Variants in OCLN observed in about 807,000 individuals in gnomAD.
OCLN encodes phosphatase 1, regulatory subunit 115.
Under a neutral mutation model 47.9 loss-of-function variants are expected in OCLN, and 21 were observed. That is an observed-to-expected ratio of 0.44 (90% CI 0.31 to 0.63). The LOEUF (loss-of-function observed/expected upper bound fraction) is 0.63. Ranked by LOEUF, OCLN falls within the 30% of genes least tolerant of loss-of-function variation. The pLI, the probability that OCLN is intolerant of heterozygous loss-of-function variation, is 0.08. For synonymous variants in OCLN, 117 were observed against 198.4 expected, an observed-to-expected ratio of 0.59 and a Z score of 3.45; for missense variants, 360 against 571.0, an observed-to-expected ratio of 0.63 and a Z score of 3.77.
intron 4 of OCLN, among the ~76,000 whole-genome samples, chr5:69,533,085 A>G (rs535824372): frequency 1.4e-5 from 2 of 146,228 alleles, no homozygotes; most frequent in Admixed American, 1.3e-4. Context: ...ACATATATAT[A>G]TATACACACA....
chr5:69,536,334 C>T (rs1769584318), intron 5 of OCLN, among the ~76,000 whole-genome samples: 1 of 144,510 alleles, frequency 6.9e-6, no homozygotes, highest in Admixed American at 7.1e-5. Context: ...TCTTAGCTTT[C>T]TATAACTTTA....
intron 1 of OCLN, among the ~76,000 whole-genome samples, chr5:69,496,257 C>G (rs1453709504): frequency 6.6e-6 from 1 of 152,080 alleles, no homozygotes; most frequent in Non-Finnish European, 1.5e-5. Flanking sequence ...TGCCACCATG[C>G]CCAGCTAATT....
At chr5:69,527,182 C>G (rs2112038449) in intron 4 of OCLN, among the ~76,000 whole-genome samples, 1 of 151,940 alleles carries the variant, frequency 6.6e-6, no homozygotes, top group Non-Finnish European at 1.5e-5. Flanking sequence ...GAGGCTGAGG[C>G]AGGGGAATTG....
intron 4 of OCLN, among the ~76,000 whole-genome samples, chr5:69,521,985 C>T (rs1454340430): frequency 1.3e-5 from 2 of 152,018 alleles, no homozygotes; most frequent in Non-Finnish European, 2.9e-5. Flanking sequence ...TGTGGTCTTT[C>T]ATCTTTGTCT....
chr5:69,503,513 C>T (rs949282027), intron 1 of OCLN, among the ~76,000 whole-genome samples: 4 of 152,222 alleles, frequency 2.6e-5, no homozygotes, highest in Non-Finnish European at 4.4e-5. Context: ...AGGACCCCAG[C>T]GCTGGCTGTC....
chr5:69,557,590 C>G lies in OCLN; in HGVS notation c.*3919C>G, dbSNP rs1245308670. The G allele has an allele frequency of 2.4e-5, 2 of 83,084 alleles. No homozygotes were observed. The highest frequency in any genetic ancestry group is 5.6e-5 in the African/African-American group (2 of 35,774). 5.1% of individuals were successfully genotyped at this position (83,084 alleles called of 1,614,324 possible). ...AGGCAGAGAATGCAGGATTGGCATT[C>G]TAAATATTTGTACATGATAAACAAA... On this transcript the variant is annotated 3_prime_UTR_variant, in exon 9 of 9. Coordinates refer to ENST00000396442, the MANE Select transcript of OCLN (RefSeq NM_001205254.2).
At chr5:69,504,381 T>A (rs1768539426) in intron 2 of OCLN, 87 bp downstream of exon 2, 1 of 850,838 alleles carries the variant, frequency 1.2e-6, no homozygotes, top group African/African-American at 1.7e-5. Context: ...AGTGTTTGCT[T>A]TTAAAAATAA....
intron 4 of OCLN, among the ~76,000 whole-genome samples, chr5:69,520,147 T>C (rs1003520682): frequency 1.3e-5 from 2 of 151,220 alleles, no homozygotes; most frequent in Admixed American, 6.6e-5. Context: ...TTAGTAGAGA[T>C]GGGGTTTTGT....
chr5:69,511,295 C>G (rs1009622785), intron 3 of OCLN, among the ~76,000 whole-genome samples: 49 of 150,986 alleles, frequency 3.2e-4, no homozygotes, highest in Non-Finnish European at 3.8e-4. Flanking sequence ...GTGTTAGCCA[C>G]GATGGTCTCT....
At chr5:69,523,641 T>G (rs982767116) in intron 4 of OCLN, among the ~76,000 whole-genome samples, 4 of 151,916 alleles carry the variant, frequency 2.6e-5, no homozygotes, top group Non-Finnish European at 5.9e-5. Context: ...GTTCAAGCGA[T>G]TCTCCTGCCT....
intron 4 of OCLN, among the ~76,000 whole-genome samples, chr5:69,533,665 C>T (rs1769510379): frequency 6.6e-6 from 1 of 151,352 alleles, no homozygotes; most frequent in South Asian, 2.1e-4. Context: ...GGCATAATTT[C>T]TTTTTTTTTG....
In OCLN at chr5:69,493,245, C is replaced by G. The variant is rs887666742; in HGVS notation, c.-69+345C>G. On this transcript the variant is annotated intron_variant, in intron 1 of 8. Coordinates refer to ENST00000396442, the MANE Select transcript of OCLN (RefSeq NM_001205254.2). The surrounding 1 kb of genome is among the most constrained non-coding windows in gnomAD (Gnocchi z 5.3). ...TTCCTGAACAGCGACGATCCTGCAT[C>G]CGCTCTGGGGCTGCAGTTTGGGGGG... Among the ~76,000 whole-genome samples, 6 of 152,172 alleles carry G rather than the reference C, an allele frequency of 3.9e-5. No individual in the cohort carries two copies. Among genetic ancestry groups the G allele is most frequent in the African/African-American group, 1.2e-4 (5 of 41,446 alleles).
At position 69,533,777 on chromosome 5, in the gene OCLN, C is replaced by T. The variant is rs577526370; in HGVS notation, c.892-917C>T. On this transcript the variant is annotated intron_variant, in intron 4 of 8. Coordinates refer to ENST00000396442, the MANE Select transcript of OCLN (RefSeq NM_001205254.2). ...AAGTGATTCTCTTGCCTCAGCCTCC[C>T]GAGTAGCTGGGACTACAGGTGCATG... Among the ~76,000 whole-genome samples, 5 of 152,218 alleles carry T rather than the reference C, an allele frequency of 3.3e-5. No individual in the cohort carries two copies. The East Asian group carries it at 7.7e-4, about 24-fold the overall frequency.
rs148534044 is a variant in OCLN at position 69,495,984 on chromosome 5, TA to T, written c.-69+3089del. Reference sequence around the variant, plus strand: ...TTTAAAAATCACCTGGAAGATTTATTAAAAATACAATTTCTGACACAGAGTC... The same window carrying T: ...TTTAAAAATCACCTGGAAGATTTATTAAAATACAATTTCTGACACAGAGTC... On this transcript the variant is annotated intron_variant, in intron 1 of 8. Coordinates refer to ENST00000396442, the MANE Select transcript of OCLN (RefSeq NM_001205254.2). Among the ~76,000 whole-genome samples, 1,364 of 152,332 alleles carry T rather than the reference TA, an allele frequency of 9.0e-3. 14 individuals are homozygous for T. The highest frequency in any genetic ancestry group is 0.031 in the African/African-American group (1,282 of 41,572).
chr5:69,523,186 T>A (rs1769189354), intron 4 of OCLN, among the ~76,000 whole-genome samples: 1 of 152,200 alleles, frequency 6.6e-6, no homozygotes, highest in South Asian at 2.1e-4. Flanking sequence ...CTAACTTAAT[T>A]TTGTTCCCAA....
rs933180166 is a variant in OCLN, at chr5:69,493,830, C to T, written c.-69+930C>T. Among the ~76,000 whole-genome samples the T allele has an allele frequency of 6.6e-6, 1 of 152,194 alleles. No individual in the cohort carries two copies. Among genetic ancestry groups the T allele is most frequent in the African/African-American group, 2.4e-5 (1 of 41,462 alleles). On this transcript the variant is annotated intron_variant, in intron 1 of 8. Coordinates refer to ENST00000396442, the MANE Select transcript of OCLN (RefSeq NM_001205254.2). The surrounding 1 kb of genome is among the most constrained non-coding windows in gnomAD (Gnocchi z 5.3). ...GCGTGCGGGGAGCAGGGGTCGAGGG[C>T]CAAGATGGCCTCTGCGCCTAGGGGT... is the stretch of plus-strand genomic sequence containing the variant.
intron 2 of OCLN, among the ~76,000 whole-genome samples, chr5:69,506,262 T>C (rs188928074): frequency 1.3e-5 from 2 of 152,284 alleles, no homozygotes; most frequent in East Asian, 3.9e-4. Flanking sequence ...CTGGGCAACA[T>C]AGGGAAACCC....
In OCLN at chr5:69,504,290, G is replaced by T; in HGVS notation, c.46G>T (p.Glu16Ter). 2 of 1,577,962 alleles carry T rather than the reference G, an allele frequency of 1.3e-6. No homozygotes were observed. The highest frequency in any genetic ancestry group is 1.7e-6 in the Non-Finnish European group (2 of 1,147,470). ...AAGTCCACCTCCTTACAGGCCTGAT[G>T]AATTGTAAGTAAATAATTCTTTAGT... ...LESPPPYRPD[E>*]FKPNHYAPSN... The change falls in exon 2 of 9, where the codon GAA becomes TAA. Residue 16 changes from glutamate to a stop codon, truncating the protein, a stop_gained. Coordinates refer to ENST00000396442, the MANE Select transcript of OCLN (RefSeq NM_001205254.2). LOFTEE classifies it high-confidence loss of function.
chr5:69,498,349 C>T (rs1580541745), intron 1 of OCLN, among the ~76,000 whole-genome samples: 1 of 152,030 alleles, frequency 6.6e-6, no homozygotes, highest in East Asian at 1.9e-4. Context: ...CAAAAATTAG[C>T]CTGGCCTGGT....
Sources: gnomAD v4.1 joint callset for allele counts (sites outside exome capture counted in the v4.1 genomes callset) on GRCh38, gnomAD v4.1.1 for gene constraint, Gnocchi (gnomAD v3.1) non-coding constraint, MANE v1.5 for transcripts, NCBI Gene and HGNC (gene_info 2026-07-23, HGNC 2026-07-21) for gene names.